The following DEPDC1B variants were observed in gnomAD, a reference collection of about 807,000 sequenced individuals.
DEPDC1B encodes DEP domain containing 1B.
A neutral mutation model predicts 66.5 loss-of-function variants in DEPDC1B; 51 were observed. The observed-to-expected ratio is 0.77, with a 90% confidence interval of 0.61 to 0.97. The LOEUF is 0.97. Among genes scored for constraint, DEPDC1B ranks in the 50% least tolerant of loss-of-function variants. The probability of loss-of-function intolerance (pLI) is 0.00; values close to 1 mark genes in which losing one functional copy is unlikely to be tolerated. For synonymous variants in DEPDC1B, 226 were observed against 223.6 expected, an observed-to-expected ratio of 1.01 and a Z score of -0.10; for missense variants, 552 against 637.1, an observed-to-expected ratio of 0.87 and a Z score of 1.44.
At chr5:60,605,061 G>C (rs1031004768) in intron 8 of DEPDC1B, among the ~76,000 whole-genome samples, 1 of 152,140 alleles carries the variant, frequency 6.6e-6, no homozygotes, top group Non-Finnish European at 1.5e-5. Flanking sequence ...AAAATCAAGA[G>C]ATTTTGCTAG....
rs749611819 is a variant in DEPDC1B at position 60,638,865 on chromosome 5, C to T, written c.783G>A (p.Gln261=). The T allele has an allele frequency of 1.9e-6, 3 of 1,612,232 alleles. 1 individual carries two copies. The South Asian group carries it at 3.3e-5, about 18-fold the overall frequency. The change falls in exon 7 of 11, where the codon CAG becomes CAA. Residue 261 remains glutamine, a synonymous_variant. Transcript: ENST00000265036. ...ANWPNCSDLK[Q]PMYLGFEKDV... ...CTTTTTCAAATCCCAAGTACATAGG[C>T]TGCTTCAAATCAGAACAGTTGGGCC... is the stretch of plus-strand genomic sequence containing the variant.
intron 7 of DEPDC1B, among the ~76,000 whole-genome samples, chr5:60,615,520 G>A (rs887740530): frequency 6.6e-6 from 1 of 152,220 alleles, no homozygotes; most frequent in African/African-American, 2.4e-5. Flanking sequence ...GGCTCGGAGG[G>A]TCCTACGCCC....
chr5:60,694,118 CAA>C (rs1410018684), intron 1 of DEPDC1B, among the ~76,000 whole-genome samples: 2 of 152,026 alleles, frequency 1.3e-5, no homozygotes, highest in Non-Finnish European at 2.9e-5. Context: ...GAAGTATACA[CAA>C]AAGAGTTTGC....
chr5:60,683,197 AG>A (rs1754336853), intron 2 of DEPDC1B, among the ~76,000 whole-genome samples: 1 of 152,206 alleles, frequency 6.6e-6, no homozygotes, highest in Non-Finnish European at 1.5e-5. Flanking sequence ...TGGGAAGCTG[AG>A]GCCAGCAGAT....
At chr5:60,603,267 G>A (rs1351332739) in intron 9 of DEPDC1B, 124 bp downstream of exon 9, 2 of 869,374 alleles carry the variant, frequency 2.3e-6, no homozygotes, top group African/African-American at 1.7e-5. Context: ...GCCAAGACCT[G>A]TTGTAAGTAC....
chr5:60,646,488 A>G (rs369856698), intron 3 of DEPDC1B, among the ~76,000 whole-genome samples: 2 of 152,206 alleles, frequency 1.3e-5, no homozygotes, highest in East Asian at 1.9e-4. Flanking sequence ...AACATATAAA[A>G]ACAGCTGCCA....
rs183704788 is a variant in DEPDC1B at position 60,617,410 on chromosome 5, A to G, written c.899-11554T>C. ...GGAAACCCATCTCACATGCAGAGAC[A>G]CACATAGGCTCAAATTAAAGGGATG... On this transcript the variant is annotated intron_variant, in intron 7 of 10. Transcript: ENST00000265036. 6.3e-3 allele frequency among the ~76,000 whole-genome samples: 967 copies of G among 152,308 alleles called. 1 individual carries two copies. Among genetic ancestry groups the G allele is most frequent in the Non-Finnish European group, 0.011 (737 of 68,034 alleles).
chr5:60,681,121 C>A (rs1459827222), intron 2 of DEPDC1B, among the ~76,000 whole-genome samples: 1 of 152,202 alleles, frequency 6.6e-6, no homozygotes, highest in Admixed American at 6.5e-5. Context: ...CAGCAAGAAC[C>A]CTTCAATGTC....
At chr5:60,677,055 G>T (rs1159455688) in intron 2 of DEPDC1B, among the ~76,000 whole-genome samples, 1 of 152,140 alleles carries the variant, frequency 6.6e-6, no homozygotes, top group African/African-American at 2.4e-5. Context: ...CATTGCATAT[G>T]CCCTTTTGCA....
intron 7 of DEPDC1B, among the ~76,000 whole-genome samples, chr5:60,632,070 T>C (rs1159819807): frequency 1.3e-5 from 2 of 152,194 alleles, no homozygotes; most frequent in East Asian, 3.8e-4. Context: ...AAATAACCTA[T>C]ATAAAGGACC....
At chr5:60,633,672 C>G (rs1056855596) in intron 7 of DEPDC1B, among the ~76,000 whole-genome samples, 2 of 152,098 alleles carry the variant, frequency 1.3e-5, no homozygotes, top group African/African-American at 4.8e-5. Context: ...AAATCACCAG[C>G]CTGTAGATTT....
intron 2 of DEPDC1B, among the ~76,000 whole-genome samples, chr5:60,659,156 G>A (rs953222271): frequency 2.0e-5 from 3 of 152,132 alleles, no homozygotes; most frequent in African/African-American, 7.2e-5. Context: ...GAATCCATGA[G>A]GCCAAGAACC....
chr5:60,627,672 C>T (rs145982634), intron 7 of DEPDC1B, among the ~76,000 whole-genome samples: 2 of 152,220 alleles, frequency 1.3e-5, no homozygotes, highest in African/African-American at 4.8e-5. Context: ...TCTCTAACTA[C>T]AAATTGTTAA....
chr5:60,605,604 CT>C, intron 8 of DEPDC1B, 85 bp downstream of exon 8: 1 of 1,447,112 alleles, frequency 6.9e-7, no homozygotes, highest in Non-Finnish European at 9.3e-7. Flanking sequence ...CTGCTTTGTA[CT>C]TCCCTCTGAT....
At chr5:60,647,616 C>CTGAAAAT (rs1403735913) in intron 2 of DEPDC1B, 83 bp from the exon 3 acceptor site, 5 of 1,463,624 alleles carry the variant, frequency 3.4e-6, no homozygotes, top group South Asian at 1.3e-5. Flanking sequence ...TTTGGTGTAT[C>CTGAAAAT]TGAAAATTTA....
In DEPDC1B at chr5:60,638,872, A is replaced by C; in HGVS notation, c.776T>G (p.Leu259Trp). 6.2e-7 allele frequency: 1 copy of C among 1,611,522 alleles called. No homozygotes were observed. ...CLANWPNCSD[L>W]KQPMYLGFEK... is the part of the protein sequence containing the mutation. ...AAATCCCAAGTACATAGGCTGCTTC[A>C]AATCAGAACAGTTGGGCCCTATTTT... Residue 259 changes from leucine (L) to tryptophan (W), a missense_variant, in exon 7 of 11, where the codon TTG (leucine) becomes TGG (tryptophan). Transcript: ENST00000265036.
intron 1 of DEPDC1B, among the ~76,000 whole-genome samples, chr5:60,697,886 A>G (rs1427730870): frequency 6.6e-6 from 1 of 152,196 alleles, no homozygotes; most frequent in Non-Finnish European, 1.5e-5. Flanking sequence ...CCTTTTTTTA[A>G]TTAAACAAAT....
chr5:60,694,561 T>G (rs146053697), intron 1 of DEPDC1B, among the ~76,000 whole-genome samples: 3 of 152,372 alleles, frequency 2.0e-5, no homozygotes, highest in African/African-American at 7.2e-5. Context: ...CTAGATGTTA[T>G]CATTTCTTTC....
intron 2 of DEPDC1B, among the ~76,000 whole-genome samples, chr5:60,671,004 T>C (rs1435620567): frequency 6.6e-6 from 1 of 152,140 alleles, no homozygotes; most frequent in Non-Finnish European, 1.5e-5. Context: ...ACATGGCACT[T>C]CCTGATACTT....
Sources: gnomAD v4.1 joint callset for allele counts (sites outside exome capture counted in the v4.1 genomes callset) on GRCh38, gnomAD v4.1.1 for gene constraint, MANE v1.5 for transcripts, NCBI Gene and HGNC (gene_info 2026-07-23, HGNC 2026-07-21) for gene names.